PSMD5: variants seen among roughly 807,000 people sequenced by gnomAD.
The protein encoded by PSMD5 is proteasome 26S subunit, non-ATPase 5.
In PSMD5, 40 loss-of-function variants were observed where a neutral mutation model predicts 52.1. The observed-to-expected ratio is 0.77, with a 90% CI of 0.60 to 1.00. The LOEUF (loss-of-function observed/expected upper bound fraction) is 1.00. Ranked by LOEUF, PSMD5 falls within the 50% of genes least tolerant of loss-of-function variation. The pLI is 0.00. For synonymous variants in PSMD5, 211 were observed against 226.6 expected, an observed-to-expected ratio of 0.93 and a Z score of 0.62; for missense variants, 575 against 605.2, an observed-to-expected ratio of 0.95 and a Z score of 0.52.
chr9:120,842,428 T>G (rs1036923194), intron 1 of PSMD5: 1 of 430,958 alleles, frequency 2.3e-6, no homozygotes, highest in African/African-American at 2.1e-5. Flanking sequence ...CAAAGAGATG[T>G]GGAATGCTCC....
intron 1 of PSMD5, among the ~76,000 whole-genome samples, chr9:120,835,372 GCTTC>G (rs2131433759): frequency 6.6e-6 from 1 of 152,200 alleles, no homozygotes; most frequent in Admixed American, 6.5e-5. Context: ...GACACAAAAG[GCTTC>G]CTTTTGAGAA....
chr9:120,829,211 G>T lies in PSMD5; in HGVS notation c.562-3C>A. ...ACGGAAGAAATCTCTATAATTAGCT[G>T]AAATAAAAAAAAAAACACAGAAAAA... On this transcript the variant is annotated splice_polypyrimidine_tract_variant and splice_region_variant and intron_variant, in intron 4 of 9. Transcript: ENST00000210313. 1.3e-6 allele frequency: 2 copies of T among 1,556,592 alleles called. No individual in the cohort carries two copies. Among genetic ancestry groups the T allele is most frequent in the South Asian group, 2.4e-5 (2 of 82,798 alleles).
chr9:120,835,717 G>A (rs920161530), intron 1 of PSMD5, among the ~76,000 whole-genome samples: 9 of 150,224 alleles, frequency 6.0e-5, no homozygotes, highest in African/African-American at 2.0e-4. Context: ...CGACAAGAAC[G>A]AAACTCTGTC....
At chr9:120,830,455 G>T (rs1365327479) in intron 4 of PSMD5, among the ~76,000 whole-genome samples, 1 of 152,192 alleles carries the variant, frequency 6.6e-6, no homozygotes, top group Admixed American at 6.5e-5. Context: ...GCCTAGGAAT[G>T]AGTAGAGTAC....
chr9:120,829,182 T>G lies in PSMD5; in HGVS notation c.588A>C (p.Ser196=). 1 of 1,600,442 alleles carries G rather than the reference T, an allele frequency of 6.2e-7. No homozygotes were observed. Among genetic ancestry groups the G allele is most frequent in the Non-Finnish European group, 8.5e-7 (1 of 1,174,444 alleles). Residue 196 remains serine (S), a synonymous_variant, in exon 5 of 10, where the codon TCA becomes TCC. Coordinates refer to ENST00000210313, the MANE Select transcript of PSMD5 (RefSeq NM_005047.4). ...YELIIEISSV[S]PESLNYCTTS... is the part of the protein sequence containing the mutation. ...TGGTACAGTAGTTTAAAGATTCTGG[T>G]GACACGGAAGAAATCTCTATAATTA... is the stretch of plus-strand genomic sequence containing the variant.
At chr9:120,822,938 C>A (rs1450737472) in intron 7 of PSMD5, among the ~76,000 whole-genome samples, 1 of 152,088 alleles carries the variant, frequency 6.6e-6, no homozygotes. Context: ...AAATGATTCT[C>A]CCACCTCAGC....
rs762997679 is a variant in PSMD5 at position 120,826,806 on chromosome 9, A to T, written c.773T>A (p.Val258Asp). 2.5e-6 allele frequency: 4 copies of T among 1,613,786 alleles called. No individual in the cohort carries two copies. In the African/African-American group the frequency reaches 5.3e-5, roughly 22 times the overall value. The change falls in exon 6 of 10, where the codon GTT (valine) becomes GAT (aspartate). Residue 258 changes from valine to aspartate, a missense_variant. Transcript: ENST00000210313. ...AGAGAAAGGGTCTGAATCTGCCCCA[A>T]CAATTATATTAGAAATTTGGTCAAT... is the stretch of plus-strand genomic sequence containing the variant. ...GVIDQISNII[V>D]GADSDPFSSF...
chr9:120,838,236 G>A (rs903526570), intron 1 of PSMD5, among the ~76,000 whole-genome samples: 21 of 152,192 alleles, frequency 1.4e-4, no homozygotes. Context: ...TTGCCAACTT[G>A]TACGTTTTAT....
Position 120,820,975 on chromosome 9 carries a change from T to C in PSMD5, c.1121A>G (p.Glu374Gly), listed in dbSNP as rs759026667. The part of the protein sequence containing the change: ...AISSLLYLPP[E>G]QQTDDLLRMT... Reference sequence around the variant, plus strand: ...CCTCAGAAGGTCATCAGTCTGCTGCTCAGGCTACAGGAAAGAAAAGGAAAA... The same window carrying C: ...CCTCAGAAGGTCATCAGTCTGCTGCCCAGGCTACAGGAAAGAAAAGGAAAA... The change falls in exon 9 of 10, where the codon GAG becomes GGG. Residue 374 changes from glutamate to glycine, a missense_variant. Physicochemically the swap from Glu to Gly is moderately conservative, Grantham distance 98. Coordinates refer to ENST00000210313, the MANE Select transcript of PSMD5 (RefSeq NM_005047.4). 2.5e-6 allele frequency: 4 copies of C among 1,584,836 alleles called. No individual in the cohort carries two copies. Among genetic ancestry groups the C allele is most frequent in the Non-Finnish European group, 3.4e-6 (4 of 1,172,326 alleles).
chr9:120,836,890 AT>A (rs34718162), intron 1 of PSMD5, among the ~76,000 whole-genome samples: 16,033 of 135,758 alleles, frequency 0.12, 650 homozygotes, highest in Middle Eastern at 0.16. Context: ...CGAAGAACCG[AT>A]TTTTTTTTTT....
At chr9:120,823,247 C>T (rs867024139) in intron 7 of PSMD5, among the ~76,000 whole-genome samples, 1 of 149,594 alleles carries the variant, frequency 6.7e-6, no homozygotes, top group Non-Finnish European at 1.5e-5. Context: ...CTCGCACTGT[C>T]GCCCAGGCTG....
In PSMD5 at chr9:120,818,118, G is replaced by T; in HGVS notation, c.1303C>A (p.Pro435Thr). 6.2e-7 allele frequency: 1 copy of T among 1,614,114 alleles called. No individual in the cohort carries two copies. The highest frequency in any genetic ancestry group is 1.1e-5 in the South Asian group (1 of 91,084). Residue 435 changes from proline (P) to threonine (T), a missense_variant, in exon 10 of 10, where the codon CCA (proline) becomes ACA (threonine). Physicochemically the swap from Pro to Thr is conservative, Grantham distance 38. Transcript: ENST00000210313. ...PWAQKLMFNS[P>T]GFVEYVVDRS... The stretch of plus-strand genomic sequence containing the variant: ...TCCACCACATATTCTACAAAACCTG[G>T]ACTGTTAAACATAAGTTTCTGAGCC...
chr9:120,839,590 T>C (rs753144277), intron 1 of PSMD5, among the ~76,000 whole-genome samples: 3 of 152,132 alleles, frequency 2.0e-5, no homozygotes, highest in Non-Finnish European at 4.4e-5. Flanking sequence ...GAAGGAATCT[T>C]AGAAGGTCAG....
chr9:120,829,449 A>C (rs1436237892), intron 4 of PSMD5, among the ~76,000 whole-genome samples: 1 of 152,176 alleles, frequency 6.6e-6, no homozygotes, highest in Non-Finnish European at 1.5e-5. Flanking sequence ...GCTGGAGTGC[A>C]GTGGCGTGAT....
intron 6 of PSMD5, chr9:120,826,494 T>C (rs2045122830): frequency 3.0e-6 from 1 of 332,034 alleles, no homozygotes; most frequent in Admixed American, 4.7e-5. Flanking sequence ...TCTGTTAACA[T>C]AGTATATCTT....
intron 1 of PSMD5, among the ~76,000 whole-genome samples, chr9:120,841,349 G>A (rs981323832): frequency 9.9e-5 from 15 of 152,142 alleles, no homozygotes; most frequent in African/African-American, 3.1e-4. Context: ...GGAGGCCGAG[G>A]CGGGCGGATC....
chr9:120,839,153 T>A (rs768841959), intron 1 of PSMD5, among the ~76,000 whole-genome samples: 1 of 151,936 alleles, frequency 6.6e-6, no homozygotes, highest in Non-Finnish European at 1.5e-5. Flanking sequence ...ATGAGTAAAG[T>A]TAGGAAAGTG....
chr9:120,827,525 G>A (rs76127208), intron 5 of PSMD5, among the ~76,000 whole-genome samples: 7,826 of 152,116 alleles, frequency 0.051, 721 homozygotes, highest in African/African-American at 0.18. Context: ...TTTAGTTGGT[G>A]GTTGATCCTA....
intron 1 of PSMD5, among the ~76,000 whole-genome samples, chr9:120,840,781 G>A (rs1172054486): frequency 2.0e-5 from 3 of 151,922 alleles, no homozygotes; most frequent in Non-Finnish European, 2.9e-5. Flanking sequence ...CACCATGCCC[G>A]GCTAATTTTT....
Sources: allele counts gnomAD v4.1 joint callset (sites outside exome capture counted in the v4.1 genomes callset), GRCh38; gene constraint gnomAD v4.1.1; transcripts MANE v1.5; gene names NCBI Gene and HGNC (gene_info 2026-07-23, HGNC 2026-07-21).